B3GALT1: variants seen among roughly 807,000 people sequenced by gnomAD.
The protein encoded by B3GALT1 is UDP-Gal:betaGlcNAc beta 1,3-galactosyltransferase, polypeptide 1.
In B3GALT1, 10 loss-of-function variants were observed where a neutral mutation model predicts 23.2. That is an observed-to-expected ratio of 0.43 (90% CI 0.27 to 0.73). The LOEUF (loss-of-function observed/expected upper bound fraction) is 0.73. Among genes scored for constraint, B3GALT1 ranks in the 30% least tolerant of loss-of-function variants. B3GALT1 has a pLI of 0.21. For missense variants in B3GALT1, 299 were observed against 405.4 expected, an observed-to-expected ratio of 0.74 and a Z score of 2.25; for synonymous variants, 156 against 141.5, an observed-to-expected ratio of 1.10 and a Z score of -0.73.
At chr2:167,480,030 GA>G (rs1330678533) in intron 1 of B3GALT1, among the ~76,000 whole-genome samples, 1 of 152,096 alleles carries the variant, frequency 6.6e-6, no homozygotes, top group African/African-American at 2.4e-5. Flanking sequence ...TCAGTTGCCG[GA>G]ATGTGAAAGT....
intron 1 of B3GALT1, among the ~76,000 whole-genome samples, chr2:167,424,294 G>A (rs535935156): frequency 6.6e-6 from 1 of 152,292 alleles, no homozygotes; most frequent in African/African-American, 2.4e-5. Context: ...TAACTCTCAT[G>A]CTACAAAATG....
At chr2:167,835,930 A>C (rs551055936) in intron 4 of B3GALT1, among the ~76,000 whole-genome samples, 278 of 152,256 alleles carry the variant, frequency 1.8e-3, no homozygotes, top group Non-Finnish European at 2.9e-3. Flanking sequence ...TCTGGAGTGG[A>C]CCTCTAGCAA....
intron 3 of B3GALT1, among the ~76,000 whole-genome samples, chr2:167,681,012 A>G (rs991660186): frequency 2.6e-5 from 4 of 152,178 alleles, no homozygotes; most frequent in African/African-American, 9.7e-5. Context: ...CAAGGTTGCT[A>G]TAATTACTGT....
chr2:167,863,902 A>C (rs979910104), intron 4 of B3GALT1, among the ~76,000 whole-genome samples: 2 of 152,092 alleles, frequency 1.3e-5, no homozygotes, highest in African/African-American at 4.8e-5. Context: ...TCTAAGATGT[A>C]ATACTGTGCC....
At chr2:167,417,267 A>T (rs1036367343) in intron 1 of B3GALT1, among the ~76,000 whole-genome samples, 3 of 152,102 alleles carry the variant, frequency 2.0e-5, no homozygotes. Context: ...CGATTAATGG[A>T]TTGTCACAGG....
intron 2 of B3GALT1, among the ~76,000 whole-genome samples, chr2:167,597,148 C>T (rs1486410078): frequency 4.1e-5 from 6 of 145,050 alleles, no homozygotes; most frequent in Non-Finnish European, 7.5e-5. Context: ...TAGAGCCTCT[C>T]TCTGTCGCCC....
chr2:167,454,251 G>A (rs1047142671), intron 1 of B3GALT1, among the ~76,000 whole-genome samples: 5 of 152,206 alleles, frequency 3.3e-5, no homozygotes, highest in Admixed American at 6.5e-5. Flanking sequence ...ATGTGTGCAC[G>A]TGCACGTAAA....
intron 3 of B3GALT1, among the ~76,000 whole-genome samples, chr2:167,774,301 C>G (rs2105311729): frequency 6.6e-6 from 1 of 151,680 alleles, no homozygotes; most frequent in East Asian, 1.9e-4. Context: ...GTTTCTTTAC[C>G]CTGGAAAACA....
At chr2:167,631,775 T>C (rs572072440) in intron 2 of B3GALT1, among the ~76,000 whole-genome samples, 37 of 149,694 alleles carry the variant, frequency 2.5e-4, no homozygotes, top group Admixed American at 1.3e-3. Context: ...TTTTCTTTTT[T>C]TTTTTTTTTT....
chr2:167,864,521 G>A (rs567905207), intron 4 of B3GALT1, among the ~76,000 whole-genome samples: 2 of 152,290 alleles, frequency 1.3e-5, no homozygotes, highest in South Asian at 4.1e-4. Context: ...CTGTGATTGT[G>A]CCACTGCACT....
intron 1 of B3GALT1, among the ~76,000 whole-genome samples, chr2:167,391,273 T>A (rs1698011511): frequency 6.6e-6 from 1 of 152,234 alleles, no homozygotes; most frequent in Non-Finnish European, 1.5e-5. Context: ...GGTTTGATCG[T>A]AGTCCCACAG....
chr2:167,798,799 G>T (rs749717130), intron 3 of B3GALT1, among the ~76,000 whole-genome samples: 1 of 152,102 alleles, frequency 6.6e-6, no homozygotes, highest in Non-Finnish European at 1.5e-5. Context: ...ATTTTCAAGA[G>T]GCCATGAAGT....
rs1285786645 is a variant in B3GALT1 at position 167,699,378 on chromosome 2, C to CTTTTT, written c.-352+52413_-352+52414insTTTTT. Among the ~76,000 whole-genome samples the CTTTTT allele has an allele frequency of 5.1e-3, 400 of 78,356 alleles. 7 individuals are homozygous for CTTTTT. The highest frequency in any genetic ancestry group is 0.026 in the East Asian group (62 of 2,358). The allele number at this position is 78,356 out of a possible 152,430, so 51.4% of individuals were successfully genotyped here. On this transcript the variant is annotated intron_variant, in intron 3 of 4. Transcript: ENST00000392690. Reference sequence around the variant, plus strand: ...TTGGGGGAGTTTTTTGCCATTATTTCTATTTTTTTTTTTTTTTTTTTTTTT... The same window carrying CTTTTT: ...TTGGGGGAGTTTTTTGCCATTATTTCTTTTTTATTTTTTTTTTTTTTTTTTTTTTT...
intron 1 of B3GALT1, among the ~76,000 whole-genome samples, chr2:167,298,354 A>C (rs1696390593): frequency 6.6e-6 from 1 of 152,136 alleles, no homozygotes. Flanking sequence ...AAACAGTTCT[A>C]CATTTTGTAA....
chr2:167,798,390 C>A (rs1574267656), intron 3 of B3GALT1, among the ~76,000 whole-genome samples: 2 of 152,136 alleles, frequency 1.3e-5, no homozygotes, highest in African/African-American at 4.8e-5. Context: ...ATTGCCTAGG[C>A]TTTCTTCTAG....
intron 3 of B3GALT1, among the ~76,000 whole-genome samples, chr2:167,650,015 G>T (rs545477418): frequency 6.6e-6 from 1 of 151,954 alleles, no homozygotes; most frequent in Admixed American, 6.6e-5. Flanking sequence ...GGAAGCTTTA[G>T]TTTTTTCACC....
chr2:167,323,257 C>T (rs1228048374), intron 1 of B3GALT1, among the ~76,000 whole-genome samples: 4 of 151,852 alleles, frequency 2.6e-5, no homozygotes, highest in Non-Finnish European at 4.4e-5. Flanking sequence ...TGAGTATATA[C>T]GATGTGGCAT....
chr2:167,338,972 G>A (rs1033995224), intron 1 of B3GALT1, among the ~76,000 whole-genome samples: 5 of 152,254 alleles, frequency 3.3e-5, no homozygotes, highest in African/African-American at 9.6e-5. Context: ...ATTAATCTTA[G>A]TATTTGTGAG....
At chr2:167,616,787 T>G (rs1416311802) in intron 2 of B3GALT1, among the ~76,000 whole-genome samples, 1 of 152,144 alleles carries the variant, frequency 6.6e-6, no homozygotes, top group Admixed American at 6.6e-5. Flanking sequence ...CCCTGTAAAC[T>G]TTCTTGTATT....
Sources: gnomAD v4.1 joint callset for allele counts (sites outside exome capture counted in the v4.1 genomes callset) on GRCh38, gnomAD v4.1.1 for gene constraint, MANE v1.5 for transcripts, NCBI Gene and HGNC (gene_info 2026-07-23, HGNC 2026-07-21) for gene names.